WBP11: variants seen among roughly 807,000 people sequenced by gnomAD.
WBP11 encodes the protein WW domain-binding protein 11.
A neutral mutation model predicts 66.7 loss-of-function variants in WBP11; 12 were observed. The ratio of observed to expected loss-of-function variants is 0.18; its 90% CI spans 0.12 to 0.29. The LOEUF (loss-of-function observed/expected upper bound fraction) is 0.29. WBP11 is among the 10% of genes least tolerant of loss of function. The probability of loss-of-function intolerance (pLI) is 1.00; values close to 1 mark genes in which losing one functional copy is unlikely to be tolerated. For synonymous variants in WBP11, 255 were observed against 273.8 expected (o/e 0.93, Z 0.68); for missense variants, 555 against 818.3 (o/e 0.68, Z 3.93).
chr12:14,793,629 C>G (rs776095429), intron 8 of WBP11, 102 bp downstream of exon 8: 52 of 1,386,236 alleles, frequency 3.8e-5, no homozygotes, highest in Non-Finnish European at 4.6e-5. Context: ...ATCCCGACTT[C>G]CAAAGATTTC....
chr12:14,785,478 G>A lies in WBP11; in HGVS notation c.*1587C>T. On this transcript the variant is annotated 3_prime_UTR_variant, in exon 12 of 12. Coordinates refer to ENST00000261167, the MANE Select transcript of WBP11 (RefSeq NM_016312.3). ...AACATAAGGTTCAATCCTTACATCT[G>A]AACAGACTCAATTCACCTGTGGACC... 6.6e-6 allele frequency: 1 copy of A among 152,122 alleles called. No individual in the cohort carries two copies. The highest frequency in any genetic ancestry group is 1.9e-4 in the East Asian group (1 of 5,192). 9.4% of individuals were successfully genotyped at this position (152,122 alleles called of 1,614,324 possible). A position where few individuals can be genotyped will look rare whatever the true frequency, so the allele number is the denominator to read the frequency against.
chr12:14,794,598 A>T lies in WBP11; in HGVS notation c.660T>A (p.Gly220=). The stretch of plus-strand genomic sequence containing the variant: ...TACGAGGGGGAAGATCTAGGGCAAA[A>T]CCCACTTTACGGCCATACATCTGCA... The part of the protein sequence containing the change: ...QVVQMYGRKV[G]FALDLPPRRR... The change falls in exon 7 of 12, where the codon GGT becomes GGA. Residue 220 remains glycine, a synonymous_variant. Transcript: ENST00000261167. The T allele has an allele frequency of 6.2e-7, 1 of 1,614,096 alleles. No individual in the cohort carries two copies. The highest frequency in any genetic ancestry group is 8.5e-7 in the Non-Finnish European group (1 of 1,180,016).
chr12:14,793,966 C>T (rs1949856516), intron 7 of WBP11, 44 bp from the exon 8 acceptor site: 1 of 1,503,364 alleles, frequency 6.7e-7, no homozygotes, highest in Non-Finnish European at 9.0e-7. Flanking sequence ...ATGATTGGAC[C>T]CTCCACTACA....
In WBP11 at chr12:14,786,996, G is replaced by C; in HGVS notation, c.*69C>G. On this transcript the variant is annotated 3_prime_UTR_variant, in exon 12 of 12. Transcript: ENST00000261167. ...CAATGGAAGCAGCTCTTTCATCTAA[G>C]TTTAATAAGAGCCTCTTTCTCCATG... 7.0e-7 allele frequency: 1 copy of C among 1,426,058 alleles called. No homozygotes were observed. The highest frequency in any genetic ancestry group is 9.4e-7 in the Non-Finnish European group (1 of 1,064,176). The allele number at this position is 1,426,058 out of a possible 1,614,324, so 88.3% of individuals were successfully genotyped here.
chr12:14,790,407 C>T lies in WBP11; in HGVS notation c.1309+49G>A, dbSNP rs757939270. ...CAACACATAGTATTTTTTGGAATGA[C>T]TTCATTCTAACCTCATTTAAACTTT... On this transcript the variant is annotated intron_variant, in intron 10 of 11. Transcript: ENST00000261167. 4 of 1,575,544 alleles carry T rather than the reference C, an allele frequency of 2.5e-6. No homozygotes were observed. In the East Asian group the frequency reaches 6.7e-5, roughly 27 times the overall value.
At chr12:14,793,194 T>C (rs1177903687) in intron 8 of WBP11, among the ~76,000 whole-genome samples, 1 of 152,214 alleles carries the variant, frequency 6.6e-6, no homozygotes, top group Non-Finnish European at 1.5e-5. Flanking sequence ...TTTTCCACTG[T>C]CAGTACCCAT....
At position 14,796,709 on chromosome 12, in the gene WBP11, C is replaced by A; in HGVS notation, c.387+98G>T. 1 of 1,195,910 alleles carries A rather than the reference C, an allele frequency of 8.4e-7. No homozygotes were observed. Among genetic ancestry groups the A allele is most frequent in the South Asian group, 1.7e-5 (1 of 57,732 alleles). 74.1% of individuals were successfully genotyped at this position (1,195,910 alleles called of 1,614,324 possible). A position where few individuals can be genotyped will look rare whatever the true frequency, so the allele number is the denominator to read the frequency against. On this transcript the variant is annotated intron_variant, in intron 5 of 11. Transcript: ENST00000261167. The surrounding 1 kb of genome is among the most constrained non-coding windows in gnomAD (Gnocchi z 4.5). ...AAAATATAAAAAAAACCCAACAACC[C>A]TAAATCCAAAACACTTCTGGTCCCA...
Position 14,787,186 on chromosome 12 carries a change from T to C in WBP11, c.1805A>G (p.Asp602Gly), listed in dbSNP as rs1314250026. The change falls in exon 12 of 12, where the codon GAT becomes GGT. Residue 602 changes from aspartate to glycine, a missense_variant. This residue lies in a region of WBP11 where 50 missense variants were observed against 68.3 expected (regional missense o/e 0.73). Transcript: ENST00000261167. ...ATAAPQRKSE[D>G]DSAVPLAKAA... ...TTTGGCAAGAGGCACAGCAGAATCA[T>C]CCTCTGACTTTCTTTGGGGAGCAGC... 1 of 1,614,000 alleles carries C rather than the reference T, an allele frequency of 6.2e-7. No individual in the cohort carries two copies. Among genetic ancestry groups the C allele is most frequent in the African/African-American group, 1.3e-5 (1 of 75,034 alleles).
rs1477386690 is a variant in WBP11, at chr12:14,791,277, G to C, written c.914-7C>G. 1.2e-6 allele frequency: 2 copies of C among 1,613,002 alleles called. No homozygotes were observed. The highest frequency in any genetic ancestry group is 2.2e-5 in the South Asian group (2 of 90,972). ...GCAAACCGTACACTCAGACCTAAGG[G>C]GACAAAGGAGGGAGTGGAGTAGATT... On this transcript the variant is annotated splice_region_variant and splice_polypyrimidine_tract_variant and intron_variant, in intron 8 of 11. Coordinates refer to ENST00000261167, the MANE Select transcript of WBP11 (RefSeq NM_016312.3).
At chr12:14,788,601 T>C (rs1443803772) in intron 11 of WBP11, among the ~76,000 whole-genome samples, 3 of 152,214 alleles carry the variant, frequency 2.0e-5, no homozygotes, top group Admixed American at 6.5e-5. Flanking sequence ...AAAATCTGCA[T>C]GTCTAACCTT....
Position 14,793,856 on chromosome 12 carries a change from T to G in WBP11, c.788A>C (p.Asp263Ala). The G allele has an allele frequency of 6.2e-7, 1 of 1,614,072 alleles. No homozygotes were observed. The highest frequency in any genetic ancestry group is 8.5e-7 in the Non-Finnish European group (1 of 1,179,978). Residue 263 changes from aspartate to alanine, a missense_variant, in exon 8 of 12, where the codon GAT (aspartate) becomes GCT (alanine). By Grantham distance (126) the Asp-to-Ala change is moderately radical. Coordinates refer to ENST00000261167, the MANE Select transcript of WBP11 (RefSeq NM_016312.3). The part of the protein sequence containing the change: ...SEDDGYPEDM[D>A]QDKHDDSTDD... The stretch of plus-strand genomic sequence containing the variant: ...AGTACTGTCATCATGCTTATCTTGA[T>G]CCATGTCCTCAGGATAGCCATCATC...
intron 8 of WBP11, 120 bp downstream of exon 8, chr12:14,793,611 C>T: frequency 4.1e-6 from 5 of 1,215,858 alleles, no homozygotes; most frequent in Non-Finnish European, 5.7e-6. Flanking sequence ...AAGATGAACA[C>T]AGCTATGATC....
At chr12:14,793,507 C>T (rs1282112062) in intron 8 of WBP11, among the ~76,000 whole-genome samples, 1 of 152,146 alleles carries the variant, frequency 6.6e-6, no homozygotes, top group Admixed American at 6.5e-5. Flanking sequence ...AACTTTATTA[C>T]ATAGACATTT....
rs562323969 is a variant in WBP11 at position 14,788,476 on chromosome 12, G to C, written c.1492+475C>G. Among the ~76,000 whole-genome samples the C allele has an allele frequency of 3.2e-3, 486 of 152,132 alleles. 2 individuals carry two copies. Among genetic ancestry groups the C allele is most frequent in the African/African-American group, 0.011 (474 of 41,522 alleles). ...AATTATTCTGTGTACCACTGAGAGAGAGAGAGGAAAAAAAGCCCCAGCTGG... is the reference window on the plus strand; with the variant it reads ...AATTATTCTGTGTACCACTGAGAGACAGAGAGGAAAAAAAGCCCCAGCTGG... On this transcript the variant is annotated intron_variant, in intron 11 of 11. Coordinates refer to ENST00000261167, the MANE Select transcript of WBP11 (RefSeq NM_016312.3).
chr12:14,800,555 C>T (rs1592223582), intron 3 of WBP11, among the ~76,000 whole-genome samples, 197 bp downstream of exon 3: 1 of 152,118 alleles, frequency 6.6e-6, no homozygotes, highest in East Asian at 1.9e-4. Context: ...GGCATTATAA[C>T]CTGTAGTGAG....
chr12:14,790,564 G>C lies in WBP11; in HGVS notation c.1201C>G (p.Gln401Glu), dbSNP rs1343177698. ...CCTGGCATGGGAGGTGCTTGTATCT[G>C]AGAAGGAGGAACAGACTGCGGCGGA... is the stretch of plus-strand genomic sequence containing the variant. ...QAPPQSVPPS[Q>E]IQAPPMPGPP... The change falls in exon 10 of 12, where the codon CAG (glutamine) becomes GAG (glutamate). Residue 401 changes from glutamine to glutamate, a missense_variant. Coordinates refer to ENST00000261167, the MANE Select transcript of WBP11 (RefSeq NM_016312.3). 3.1e-6 allele frequency: 5 copies of C among 1,613,890 alleles called. No individual in the cohort carries two copies. The highest frequency in any genetic ancestry group is 1.3e-5 in the African/African-American group (1 of 74,928).
In WBP11 at chr12:14,799,708, C is replaced by T; in HGVS notation, c.117G>A (p.Met39Ile). ...ELKKNKKQRMMVRAAVLKMKD... is the reference protein window; with the variant it reads ...ELKKNKKQRMIVRAAVLKMKD... ...TCATCTTTAAAACTGCAGCTCGAAC[C>T]ATCATGCGCTGTTTTTTGTTCTTAG... The change falls in exon 4 of 12, where the codon ATG becomes ATA. Residue 39 changes from methionine to isoleucine, a missense_variant. By Grantham distance (10) the Met-to-Ile change is conservative. Transcript: ENST00000261167. The T allele has an allele frequency of 1.2e-6, 2 of 1,613,342 alleles. No individual in the cohort carries two copies. The highest frequency in any genetic ancestry group is 1.7e-6 in the Non-Finnish European group (2 of 1,179,592).
chr12:14,792,615 C>G (rs908567257), intron 8 of WBP11, among the ~76,000 whole-genome samples: 2 of 151,972 alleles, frequency 1.3e-5, no homozygotes, highest in Non-Finnish European at 2.9e-5. Flanking sequence ...GGCAGATCAC[C>G]TGTGGTCAGG....
intron 8 of WBP11, 130 bp downstream of exon 8, chr12:14,793,601 A>G (rs1329439884): frequency 9.0e-7 from 1 of 1,109,700 alleles, no homozygotes; most frequent in Non-Finnish European, 1.3e-6. Context: ...TTTAATATAT[A>G]AGATGAACAC....
Sources: allele counts gnomAD v4.1 joint callset (sites outside exome capture counted in the v4.1 genomes callset), GRCh38; gene constraint gnomAD v4.1.1; regional missense constraint gnomAD v4.1.1; non-coding constraint Gnocchi (gnomAD v3.1); transcripts MANE v1.5; gene names NCBI Gene and HGNC (gene_info 2026-07-23, HGNC 2026-07-21).